Variants in CDYL2 observed in about 807,000 individuals in gnomAD.
CDYL2 encodes chromodomain Y-like protein 2.
Under a neutral mutation model 49.4 loss-of-function variants are expected in CDYL2, and 23 were observed. The ratio of observed to expected loss-of-function variants is 0.47; its 90% confidence interval spans 0.34 to 0.66. CDYL2 has a LOEUF of 0.66. CDYL2 is among the 30% of genes least tolerant of loss of function. CDYL2 has a pLI of 0.01. For synonymous variants in CDYL2, 360 were observed against 268.8 expected (o/e 1.34, Z -3.32); for missense variants, 678 against 656.4 (o/e 1.03, Z -0.36).
chr16:80,685,465 T>C (rs889965370), intron 1 of CDYL2, among the ~76,000 whole-genome samples: 7 of 152,222 alleles, frequency 4.6e-5, no homozygotes, highest in African/African-American at 1.7e-4. Context: ...CTTTATTCTT[T>C]TCATTGCACC....
intron 3 of CDYL2, among the ~76,000 whole-genome samples, chr16:80,631,483 C>T (rs1390683778): frequency 1.3e-5 from 2 of 152,146 alleles, no homozygotes; most frequent in Non-Finnish European, 2.9e-5. Context: ...CATTGTTTCC[C>T]TATTTTATTC....
At chr16:80,614,889 A>AG (rs1906760215) in intron 4 of CDYL2, among the ~76,000 whole-genome samples, 1 of 151,636 alleles carries the variant, frequency 6.6e-6, no homozygotes, top group Non-Finnish European at 1.5e-5. Context: ...AAAAAAAAAA[A>AG]AAGTTGAGCT....
chr16:80,617,522 C>T (rs1427165695), intron 4 of CDYL2, among the ~76,000 whole-genome samples: 2 of 152,190 alleles, frequency 1.3e-5, no homozygotes, highest in Non-Finnish European at 2.9e-5. Flanking sequence ...ATCCACAAAA[C>T]GTTCTGTGCA....
At chr16:80,728,778 G>T (rs1905241665) in intron 1 of CDYL2, among the ~76,000 whole-genome samples, 1 of 152,156 alleles carries the variant, frequency 6.6e-6, no homozygotes, top group Non-Finnish European at 1.5e-5. Context: ...CAAGCCAGAA[G>T]AGAGTGGGGG....
chr16:80,749,355 A>C (rs915699654), intron 1 of CDYL2, among the ~76,000 whole-genome samples: 5 of 152,228 alleles, frequency 3.3e-5, no homozygotes, highest in African/African-American at 1.2e-4. Flanking sequence ...ACAACTTTTC[A>C]CAATAACAAA....
chr16:80,672,268 C>T (rs1263673628), intron 2 of CDYL2, among the ~76,000 whole-genome samples: 4 of 150,872 alleles, frequency 2.7e-5, no homozygotes, highest in Non-Finnish European at 3.0e-5. Flanking sequence ...AACAGACATA[C>T]GCTATATTGA....
At chr16:80,712,023 ATATG>A (rs967294697) in intron 1 of CDYL2, among the ~76,000 whole-genome samples, 11 of 150,804 alleles carry the variant, frequency 7.3e-5, no homozygotes, top group Middle Eastern at 3.5e-3. Context: ...GTGTGTATAT[ATATG>A]TGTGTATATA....
chr16:80,653,281 C>T (rs1447968328), intron 2 of CDYL2, among the ~76,000 whole-genome samples: 1 of 152,162 alleles, frequency 6.6e-6, no homozygotes, highest in Non-Finnish European at 1.5e-5. Context: ...ACCTGATCAA[C>T]ATGGAGATAT....
intron 1 of CDYL2, among the ~76,000 whole-genome samples, chr16:80,788,950 C>G (rs564543273): frequency 6.6e-6 from 1 of 152,194 alleles, no homozygotes; most frequent in African/African-American, 2.4e-5. Flanking sequence ...CCATTAAAAA[C>G]TGGGCAAAGG....
chr16:80,776,320 T>C (rs551396545), intron 1 of CDYL2, among the ~76,000 whole-genome samples: 1 of 152,170 alleles, frequency 6.6e-6, no homozygotes, highest in African/African-American at 2.4e-5. Flanking sequence ...TGGAAATAAT[T>C]TGGTGAATCT....
At chr16:80,687,337 G>A (rs758606578) in intron 1 of CDYL2, among the ~76,000 whole-genome samples, 14 of 152,164 alleles carry the variant, frequency 9.2e-5, no homozygotes, top group Admixed American at 4.6e-4. Context: ...GGAGGACCAT[G>A]TTAGACAAAT....
intron 2 of CDYL2, among the ~76,000 whole-genome samples, chr16:80,668,704 G>C (rs1909374237): frequency 6.6e-6 from 1 of 151,950 alleles, no homozygotes; most frequent in South Asian, 2.1e-4. Flanking sequence ...TTTGAGACCA[G>C]CCTGGCCAAC....
intron 1 of CDYL2, among the ~76,000 whole-genome samples, chr16:80,689,706 A>G (rs529344015): frequency 8.5e-5 from 13 of 152,362 alleles, no homozygotes; most frequent in African/African-American, 3.1e-4. Flanking sequence ...TTCAAGGATC[A>G]CTGATACGCG....
At position 80,804,258 on chromosome 16, in the gene CDYL2, C is replaced by CGT; in HGVS notation, c.-87_-86dup. On this transcript the variant is annotated 5_prime_UTR_variant, in exon 1 of 7. Transcript: ENST00000570137. ...GTGTGCGCGCGGGGTCCGGTGTGCG[C>CGT]GTGTGTGTGCGCGCGTGTGTGTGCG... 8.3e-7 allele frequency: 1 copy of CGT among 1,210,838 alleles called. No homozygotes were observed. The highest frequency in any genetic ancestry group is 1.1e-6 in the Non-Finnish European group (1 of 922,344). The allele number at this position is 1,210,838 out of a possible 1,614,324, so 75.0% of individuals were successfully genotyped here.
In CDYL2 at chr16:80,717,149, A is replaced by AGATGGATG. The variant is rs200642445; in HGVS notation, c.25-32028_25-32021dup. On this transcript the variant is annotated intron_variant, in intron 1 of 6. Coordinates refer to ENST00000570137, the MANE Select transcript of CDYL2 (RefSeq NM_152342.4). ...GAATGGATGGGTGGACTGGATCGAT[A>AGATGGATG]GATGGATGGATGGATGGATGGATGG... 4.2e-3 allele frequency among the ~76,000 whole-genome samples: 579 copies of AGATGGATG among 138,020 alleles called. 4 individuals are homozygous for AGATGGATG. Among genetic ancestry groups the AGATGGATG allele is most frequent in the African/African-American group, 0.014 (509 of 36,626 alleles). 90.5% of individuals were successfully genotyped at this position (138,020 alleles called of 152,430 possible). A position where few individuals can be genotyped will look rare whatever the true frequency, so the allele number is the denominator to read the frequency against.
chr16:80,632,772 G>A (rs1211442086), intron 3 of CDYL2: 2 of 477,364 alleles, frequency 4.2e-6, no homozygotes, highest in East Asian at 3.8e-5. Context: ...TCCACGATCA[G>A]TTCAGTGAGT....
In CDYL2 at chr16:80,711,528, C is replaced by T. The variant is rs73595117; in HGVS notation, c.25-26399G>A. Among the ~76,000 whole-genome samples, 311 of 152,276 alleles carry T rather than the reference C, an allele frequency of 2.0e-3. 5 individuals are homozygous for T. In the East Asian group the frequency reaches 0.031, roughly 15 times the overall value. ...CAAAAGCTTTCTCCTCCTCTGAACA[C>T]GCAGGATGCAAAGTGGAAGAGAGCT... On this transcript the variant is annotated intron_variant, in intron 1 of 6. Coordinates refer to ENST00000570137, the MANE Select transcript of CDYL2 (RefSeq NM_152342.4).
intron 1 of CDYL2, among the ~76,000 whole-genome samples, chr16:80,803,102 T>C (rs1167854667): frequency 1.3e-5 from 2 of 152,226 alleles, no homozygotes; most frequent in East Asian, 3.9e-4. Flanking sequence ...CCAACACCTC[T>C]GAGGCCATTC....
At chr16:80,761,892 A>AAC (rs1417780474) in intron 1 of CDYL2, among the ~76,000 whole-genome samples, 3 of 151,700 alleles carry the variant, frequency 2.0e-5, no homozygotes, top group East Asian at 3.9e-4. Context: ...AAAAAAAAAA[A>AAC]AAAAAACAAA....
Sources: allele counts gnomAD v4.1 joint callset (sites outside exome capture counted in the v4.1 genomes callset), GRCh38; gene constraint gnomAD v4.1.1; transcripts MANE v1.5; gene names NCBI Gene and HGNC (gene_info 2026-07-23, HGNC 2026-07-21).